Variants in NCAM1 observed in about 807,000 individuals in gnomAD.
NCAM1 encodes antigen recognized by monoclonal antibody 5.1H11.
In NCAM1, 14 loss-of-function variants were observed where a neutral mutation model predicts 109.8. The observed-to-expected ratio is 0.13, with a 90% CI of 0.08 to 0.20. NCAM1 has a LOEUF of 0.20. NCAM1 is among the 10% of genes least tolerant of loss of function. The probability of loss-of-function intolerance (pLI) is 1.00; values close to 1 mark genes in which losing one functional copy is unlikely to be tolerated. For synonymous variants in NCAM1, 418 were observed against 442.9 expected, an observed-to-expected ratio of 0.94 and a Z score of 0.70; for missense variants, 774 against 1,109.9, an observed-to-expected ratio of 0.70 and a Z score of 4.30.
chr11:113,170,897 A>G (rs1942968011), intron 1 of NCAM1, among the ~76,000 whole-genome samples: 1 of 152,230 alleles, frequency 6.6e-6, no homozygotes, highest in African/African-American at 2.4e-5. Flanking sequence ...AGTAAGGGCC[A>G]GGTAATCTGA....
chr11:113,080,497 A>G (rs1417798078), intron 1 of NCAM1, among the ~76,000 whole-genome samples: 1 of 150,440 alleles, frequency 6.6e-6, no homozygotes, highest in African/African-American at 2.4e-5. Context: ...CCTGCCTGTC[A>G]GTCAAGTTTG....
At chr11:113,008,475 C>T (rs1951947656) in intron 1 of NCAM1, among the ~76,000 whole-genome samples, 1 of 152,136 alleles carries the variant, frequency 6.6e-6, no homozygotes, top group South Asian at 2.1e-4. Flanking sequence ...TTTAGTGGTC[C>T]ACATGTCTAA....
At chr11:113,144,420 T>C (rs573008679) in intron 1 of NCAM1, among the ~76,000 whole-genome samples, 1 of 152,224 alleles carries the variant, frequency 6.6e-6, no homozygotes, top group Non-Finnish European at 1.5e-5. Flanking sequence ...CCTAACACTT[T>C]ATTAACGAGA....
intron 1 of NCAM1, chr11:113,130,767 T>C (rs1941354780): frequency 6.6e-6 from 1 of 152,220 alleles, no homozygotes; most frequent in Middle Eastern, 3.2e-3. Context: ...GTGGATTGGA[T>C]TAAATGCATT....
chr11:113,020,120 C>T lies in NCAM1; in HGVS notation c.52+58456C>T, dbSNP rs536242061. Among the ~76,000 whole-genome samples the T allele has an allele frequency of 5.2e-3, 792 of 152,270 alleles. 7 individuals carry two copies. Among genetic ancestry groups the T allele is most frequent in the Non-Finnish European group, 6.2e-3 (419 of 68,016 alleles). On this transcript the variant is annotated intron_variant, in intron 1 of 19. Coordinates refer to ENST00000316851, the MANE Select transcript of NCAM1 (RefSeq NM_181351.5). ...AGTCCTCATCCCAGTTCACTTTAAC[C>T]CCTTACTTGTTCGCTGGTCCCTCCC...
At chr11:113,120,105 C>T (rs528986378) in intron 1 of NCAM1, among the ~76,000 whole-genome samples, 85 of 152,300 alleles carry the variant, frequency 5.6e-4, no homozygotes, top group Non-Finnish European at 2.9e-5. Flanking sequence ...AATTAGCCAG[C>T]CTTGACTGTG....
At chr11:113,113,921 C>T (rs782554169) in intron 1 of NCAM1, among the ~76,000 whole-genome samples, 8 of 152,222 alleles carry the variant, frequency 5.3e-5, no homozygotes, top group Non-Finnish European at 8.8e-5. Context: ...TTTCACTTCA[C>T]ATTGCTGTCC....
chr11:113,126,299 G>A (rs1282194585), intron 1 of NCAM1, among the ~76,000 whole-genome samples: 4 of 152,068 alleles, frequency 2.6e-5, no homozygotes, highest in Non-Finnish European at 4.4e-5. Context: ...CCTGTGCTGT[G>A]TGCTTTCCAG....
intron 1 of NCAM1, among the ~76,000 whole-genome samples, chr11:112,979,907 G>A (rs374168053): frequency 9.9e-5 from 15 of 151,862 alleles, no homozygotes; most frequent in East Asian, 5.8e-4. Flanking sequence ...AAAACAGCTG[G>A]TATCAAGCAC....
intron 1 of NCAM1, among the ~76,000 whole-genome samples, chr11:113,142,880 C>T (rs977396600): frequency 5.9e-5 from 9 of 151,862 alleles, no homozygotes; most frequent in African/African-American, 1.7e-4. Context: ...TTTTAAAAAT[C>T]GAAAAAATAG....
At chr11:113,063,370 G>A (rs1420257164) in intron 1 of NCAM1, among the ~76,000 whole-genome samples, 1 of 152,182 alleles carries the variant, frequency 6.6e-6, no homozygotes, top group Non-Finnish European at 1.5e-5. Flanking sequence ...CTCTGCCACT[G>A]CCTAGCCTGG....
chr11:113,156,449 G>A (rs1229985123), intron 1 of NCAM1, among the ~76,000 whole-genome samples: 2 of 152,148 alleles, frequency 1.3e-5, no homozygotes, highest in Admixed American at 6.5e-5. Flanking sequence ...TGACACACTA[G>A]AGCAGAGGAA....
intron 17 of NCAM1, chr11:113,265,046 G>A (rs575311031): frequency 1.4e-4 from 142 of 985,294 alleles, no homozygotes; most frequent in Non-Finnish European, 1.7e-4. Context: ...ACACCATGGG[G>A]CCCCTTTGCT....
At chr11:113,140,636 T>C (rs181879285) in intron 1 of NCAM1, among the ~76,000 whole-genome samples, 40 of 152,368 alleles carry the variant, frequency 2.6e-4, no homozygotes, top group African/African-American at 9.1e-4. Flanking sequence ...GCATTAATCT[T>C]GTTTATGTTT....
At chr11:113,193,779 G>A (rs1238848195) in intron 1 of NCAM1, among the ~76,000 whole-genome samples, 2 of 152,104 alleles carry the variant, frequency 1.3e-5, no homozygotes, top group Non-Finnish European at 1.5e-5. Context: ...GTGAGAGCCT[G>A]GGAACCACAT....
chr11:113,146,292 A>T (rs953880149), intron 1 of NCAM1, among the ~76,000 whole-genome samples: 3 of 152,214 alleles, frequency 2.0e-5, no homozygotes, highest in Non-Finnish European at 4.4e-5. Flanking sequence ...TTGCCTTTGA[A>T]TACAATGAGC....
intron 9 of NCAM1, chr11:113,231,444 G>A: frequency 1.1e-6 from 1 of 905,180 alleles, no homozygotes; most frequent in Non-Finnish European, 1.7e-6. Flanking sequence ...ATACTCCCAG[G>A]TTCTCATGCT....
intron 1 of NCAM1, among the ~76,000 whole-genome samples, chr11:113,062,934 C>T (rs533794073): frequency 6.6e-6 from 1 of 152,258 alleles, no homozygotes; most frequent in South Asian, 2.1e-4. Context: ...TACCACTGCA[C>T]TCCAGCCTGG....
chr11:113,264,159 G>T (rs889029688), intron 17 of NCAM1: 4 of 985,276 alleles, frequency 4.1e-6, no homozygotes, highest in Non-Finnish European at 4.8e-6. Context: ...CCCCATTGTG[G>T]TCACATATCA....
Sources: allele counts gnomAD v4.1 joint callset (sites outside exome capture counted in the v4.1 genomes callset), GRCh38; gene constraint gnomAD v4.1.1; transcripts MANE v1.5; gene names NCBI Gene and HGNC (gene_info 2026-07-23, HGNC 2026-07-21).